ATP2A3: variants seen among roughly 807,000 people sequenced by gnomAD.
ATP2A3 encodes the protein sarcoplasmic/endoplasmic reticulum calcium ATPase 3.
ATP2A3 carries 61 observed loss-of-function variants against 106.8 expected under a neutral mutation model. The ratio of observed to expected loss-of-function variants is 0.57; its 90% CI spans 0.46 to 0.71. The LOEUF (loss-of-function observed/expected upper bound fraction) is 0.71. Ranked by LOEUF, ATP2A3 falls within the 30% of genes least tolerant of loss-of-function variation. The probability of loss-of-function intolerance (pLI) is 0.00; values close to 1 mark genes in which losing one functional copy is unlikely to be tolerated. For synonymous variants in ATP2A3, 611 were observed against 609.3 expected (o/e 1.00, Z -0.04); for missense variants, 1,201 against 1,423.5 (o/e 0.84, Z 2.52).
intron 17 of ATP2A3, among the ~76,000 whole-genome samples, chr17:3,933,455 G>A (rs996341993): frequency 2.7e-5 from 4 of 150,478 alleles, no homozygotes; most frequent in East Asian, 3.9e-4. Flanking sequence ...GGTGCGCTGG[G>A]GTCCGGGTGC....
In ATP2A3 at chr17:3,930,299, A is replaced by G. The variant is rs766715327; in HGVS notation, c.2744+2T>C. 2 of 1,584,164 alleles carry G rather than the reference A, an allele frequency of 1.3e-6. No individual in the cohort carries two copies. The highest frequency in any genetic ancestry group is 1.7e-6 in the Non-Finnish European group (2 of 1,165,184). On this transcript the variant is annotated splice_donor_variant, in intron 18 of 20. Transcript: ENST00000397041. LOFTEE classifies it high-confidence loss of function. This position sits in a 1 kb window ranked among gnomAD's most constrained non-coding sequence, Gnocchi z 5.4. Reference sequence around the variant, plus strand: ...CAGCTCCAGGCCCTGCGCCCAGCCTACCTGTTGAGGGCATTGCACATTTCA... The same window carrying G: ...CAGCTCCAGGCCCTGCGCCCAGCCTGCCTGTTGAGGGCATTGCACATTTCA...
At position 3,955,873 on chromosome 17, in the gene ATP2A3, TTTTA is replaced by T. The variant is rs1159122718; in HGVS notation, c.119-2167_119-2164del. 6.9e-6 allele frequency among the ~76,000 whole-genome samples: 1 copy of T among 144,632 alleles called. No homozygotes were observed. The highest frequency in any genetic ancestry group is 1.6e-5 in the Non-Finnish European group (1 of 64,348). The allele number at this position is 144,632 out of a possible 152,430, so 94.9% of individuals were successfully genotyped here. A position where few individuals can be genotyped will look rare whatever the true frequency, so the allele number is the denominator to read the frequency against. ...GTCTCTCAAGTTCTCCTTTCTCTTATTTTATTTTATTTTATTTTTTTTTTTTGAG... is the reference window on the plus strand; with the variant it reads ...GTCTCTCAAGTTCTCCTTTCTCTTATTTTTATTTTATTTTTTTTTTTTGAG... On this transcript the variant is annotated intron_variant, in intron 1 of 20. Coordinates refer to ENST00000397041, the MANE Select transcript of ATP2A3 (RefSeq NM_005173.4). The surrounding 1 kb of genome is among the most constrained non-coding windows in gnomAD (Gnocchi z 4.2).
rs144535413 is a variant in ATP2A3 at position 3,941,050 on chromosome 17, C to A, written c.2021G>T (p.Arg674Leu). Residue 674 changes from arginine to leucine, a missense_variant, in exon 14 of 21, where the codon CGC becomes CTC. By Grantham distance (102) the Arg-to-Leu change is moderately radical. Transcript: ENST00000397041. ...TGCGGGCTCCACGCGGGCGAAGCAG[C>A]GGGCGGTGCGGCAGGCCTGGCGCTG... ...EQQRQACRTARCFARVEPAHK... is the reference protein window; with the variant it reads ...EQQRQACRTALCFARVEPAHK... The A allele has an allele frequency of 6.2e-7, 1 of 1,613,534 alleles. No homozygotes were observed. Among genetic ancestry groups the A allele is most frequent in the African/African-American group, 1.3e-5 (1 of 74,934 alleles).
At position 3,928,567 on chromosome 17, in the gene ATP2A3, G is replaced by C. The variant is rs1333581633; in HGVS notation, c.2980+96C>G. On this transcript the variant is annotated intron_variant, in intron 20 of 20. Transcript: ENST00000397041. The surrounding 1 kb of genome is among the most constrained non-coding windows in gnomAD (Gnocchi z 6.1). ...AACGCCTCCCCGATGTGCAGACAGA[G>C]AGGCTCTGCGCTCCACACCCACAGC... 1.7e-6 allele frequency: 2 copies of C among 1,174,172 alleles called. No individual in the cohort carries two copies. The highest frequency in any genetic ancestry group is 2.0e-5 in the Admixed American group (1 of 50,296). The allele number at this position is 1,174,172 out of a possible 1,614,324, so 72.7% of individuals were successfully genotyped here. A position where few individuals can be genotyped will look rare whatever the true frequency, so the allele number is the denominator to read the frequency against.
At position 3,951,323 on chromosome 17, in the gene ATP2A3, G is replaced by T; in HGVS notation, c.391C>A (p.Arg131Ser). Residue 131 changes from arginine to serine, a missense_variant, in exon 5 of 21, where the codon CGC becomes AGC. Around this residue, in one of 2 missense-constraint regions of ATP2A3, gnomAD observed 266 missense variants for 246.8 expected, o/e 1.08. Coordinates refer to ENST00000397041, the MANE Select transcript of ATP2A3 (RefSeq NM_005173.4). The stretch of plus-strand genomic sequence containing the variant: ...CTCTGCACGCCCTTGCGGTCCGAGC[G>T]GATCACCTTGCCCATCTCAGGCTCA... ...EYEPEMGKVI[R>S]SDRKGVQRIR... The T allele has an allele frequency of 6.2e-7, 1 of 1,613,846 alleles. No individual in the cohort carries two copies. The highest frequency in any genetic ancestry group is 8.5e-7 in the Non-Finnish European group (1 of 1,180,002).
In ATP2A3 at chr17:3,953,820, C is replaced by T; in HGVS notation, c.119-110G>A. On this transcript the variant is annotated intron_variant, in intron 1 of 20. Transcript: ENST00000397041. This position sits in a 1 kb window ranked among gnomAD's most constrained non-coding sequence, Gnocchi z 5.1. Reference sequence around the variant, plus strand: ...CCTCCCCACCGTGCCCGCCCAGACCCCCACCACGGACTGGATGTATCCCCA... The same window carrying T: ...CCTCCCCACCGTGCCCGCCCAGACCTCCACCACGGACTGGATGTATCCCCA... 1.7e-6 allele frequency: 2 copies of T among 1,201,702 alleles called. No homozygotes were observed. The highest frequency in any genetic ancestry group is 2.4e-6 in the Non-Finnish European group (2 of 830,334). The allele number at this position is 1,201,702 out of a possible 1,614,324, so 74.4% of individuals were successfully genotyped here. A position where few individuals can be genotyped will look rare whatever the true frequency, so the allele number is the denominator to read the frequency against.
At position 3,928,322 on chromosome 17, in the gene ATP2A3, G is replaced by T. The variant is rs780607085; in HGVS notation, c.2980+341C>A. 1.2e-6 allele frequency: 2 copies of T among 1,612,978 alleles called. No individual in the cohort carries two copies. Among genetic ancestry groups the T allele is most frequent in the Admixed American group, 3.3e-5 (2 of 60,014 alleles). ...ACTGTCCTGAGAAGGCCTGGATAAA[G>T]ACAGGCTGGGTGCAGAGGGGTCAGA... On this transcript the variant is annotated intron_variant, in intron 20 of 20. Coordinates refer to ENST00000397041, the MANE Select transcript of ATP2A3 (RefSeq NM_005173.4). The surrounding 1 kb of genome is among the most constrained non-coding windows in gnomAD (Gnocchi z 6.1).
At chr17:3,939,786 TAAAAAA>T (rs71381543) in intron 14 of ATP2A3, among the ~76,000 whole-genome samples, 52 of 50,492 alleles carry the variant, frequency 1.0e-3, no homozygotes, top group African/African-American at 2.7e-3. Context: ...AGACTCTGTC[TAAAAAA>T]AAAAAAAAAA....
chr17:3,937,723 A>C, intron 14 of ATP2A3, 87 bp from the exon 15 acceptor site: 1 of 1,324,136 alleles, frequency 7.6e-7, no homozygotes, highest in Non-Finnish European at 1.1e-6. Context: ...CCCCAATCTT[A>C]GGGGATGTTC....
intron 1 of ATP2A3, among the ~76,000 whole-genome samples, chr17:3,960,011 G>T (rs1045109379): frequency 6.6e-6 from 1 of 152,236 alleles, no homozygotes; most frequent in Non-Finnish European, 1.5e-5. Flanking sequence ...GCAGGGGCCA[G>T]TGGGAGTGAA....
At chr17:3,951,179 T>C in intron 5 of ATP2A3, 72 bp downstream of exon 5, 11 of 1,108,810 alleles carry the variant, frequency 9.9e-6, no homozygotes, top group Non-Finnish European at 1.0e-5. Flanking sequence ...TCTCAAAAAA[T>C]AAATAAATAA....
rs1329969470 is a variant in ATP2A3, at chr17:3,930,593, G to A, written c.2611-159C>T. On this transcript the variant is annotated intron_variant, in intron 17 of 20. Transcript: ENST00000397041. The surrounding 1 kb of genome is among the most constrained non-coding windows in gnomAD (Gnocchi z 5.4). ...GCTGGGGATCCCGGGAGGGGTGCGG[G>A]GTCGGGGCGGCGGTGGGGAGAGCTG... 3 of 1,051,914 alleles carry A rather than the reference G, an allele frequency of 2.9e-6. No homozygotes were observed. Among genetic ancestry groups the A allele is most frequent in the Non-Finnish European group, 4.2e-6 (3 of 718,004 alleles). The allele number at this position is 1,051,914 out of a possible 1,614,324, so 65.2% of individuals were successfully genotyped here.
At chr17:3,935,535 CTTT>C (rs10668980) in intron 16 of ATP2A3, among the ~76,000 whole-genome samples, 4 of 114,030 alleles carry the variant, frequency 3.5e-5, no homozygotes, top group Non-Finnish European at 7.0e-5. Flanking sequence ...CCTGTTGAGA[CTTT>C]TTTTTTTTTT....
chr17:3,951,295 A>T lies in ATP2A3; in HGVS notation c.419T>A (p.Ile140Asn). The T allele has an allele frequency of 6.2e-7, 1 of 1,613,840 alleles. No homozygotes were observed. Among genetic ancestry groups the T allele is most frequent in the Non-Finnish European group, 8.5e-7 (1 of 1,179,994 alleles). ...CCCTGGGACGATGTCCCGGGCACGGATCCTCTGCACGCCCTTGCGGTCCGA... is the reference window on the plus strand; with the variant it reads ...CCCTGGGACGATGTCCCGGGCACGGTTCCTCTGCACGCCCTTGCGGTCCGA... ...IRSDRKGVQR[I>N]RARDIVPGDI... Residue 140 changes from isoleucine (I) to asparagine (N), a missense_variant, in exon 5 of 21, where the codon ATC (isoleucine) becomes AAC (asparagine). By Grantham distance (149) the Ile-to-Asn change is moderately radical. Around this residue, in one of 2 missense-constraint regions of ATP2A3, gnomAD observed 266 missense variants for 246.8 expected, o/e 1.08. Transcript: ENST00000397041.
chr17:3,940,171 T>C (rs1307748104), intron 14 of ATP2A3, among the ~76,000 whole-genome samples: 1 of 151,362 alleles, frequency 6.6e-6, no homozygotes, highest in Non-Finnish European at 1.5e-5. Context: ...TTTTCCTATC[T>C]TGATAAGGCT....
intron 9 of ATP2A3, 79 bp from the exon 10 acceptor site, chr17:3,944,885 AG>A (rs1378188552): frequency 2.3e-5 from 20 of 878,836 alleles, no homozygotes; most frequent in Admixed American, 1.4e-4. Flanking sequence ...CGCCCCTAGG[AG>A]GGGGCTCCGC....
chr17:3,937,061 T>A (rs1159615777), intron 15 of ATP2A3: 1 of 384,704 alleles, frequency 2.6e-6, no homozygotes, highest in Non-Finnish European at 5.0e-6. Context: ...TCAGGCCATG[T>A]GCACACAAAT....
At position 3,947,476 on chromosome 17, in the gene ATP2A3, G is replaced by T; in HGVS notation, c.1010C>A (p.Pro337Gln). ...GGTGCAGCCCAGGGTCTCCACGGAC[G>T]GCAGGCTTCGCACGATGGCGTTCTT... ...ARKNAIVRSL[P>Q]SVETLGCTSV... Residue 337 changes from proline (P) to glutamine (Q), a missense_variant, in exon 8 of 21, where the codon CCG becomes CAG. Physicochemically the swap from Pro to Gln is moderately conservative, Grantham distance 76 (BLOSUM62 -1). Transcript: ENST00000397041. This position sits in a 1 kb window ranked among gnomAD's most constrained non-coding sequence, Gnocchi z 7.7. 6.2e-7 allele frequency: 1 copy of T among 1,613,774 alleles called. No homozygotes were observed. Among genetic ancestry groups the T allele is most frequent in the Non-Finnish European group, 8.5e-7 (1 of 1,180,044 alleles).
intron 1 of ATP2A3, among the ~76,000 whole-genome samples, chr17:3,963,548 G>C (rs1281052937): frequency 6.6e-6 from 1 of 152,234 alleles, no homozygotes; most frequent in East Asian, 1.9e-4. Context: ...CTCCCTGGCA[G>C]TTCCCTGAGG....
Sources: gnomAD v4.1 joint callset for allele counts (sites outside exome capture counted in the v4.1 genomes callset) on GRCh38, gnomAD v4.1.1 for gene constraint, gnomAD v4.1.1 regional missense constraint, Gnocchi (gnomAD v3.1) non-coding constraint, MANE v1.5 for transcripts, NCBI Gene and HGNC (gene_info 2026-07-23, HGNC 2026-07-21) for gene names.